Variants in KAT2B observed in about 807,000 individuals in gnomAD.
The protein encoded by KAT2B is lysine acetyltransferase 2B.
Under a neutral mutation model 105.9 loss-of-function variants are expected in KAT2B, and 36 were observed. The ratio of observed to expected loss-of-function variants is 0.34; its 90% CI spans 0.26 to 0.45. The LOEUF (loss-of-function observed/expected upper bound fraction) is 0.45, where lower values mean the gene tolerates loss of function less well. Ranked by LOEUF, KAT2B falls within the 20% of genes least tolerant of loss-of-function variation. The pLI, the probability that KAT2B is intolerant of heterozygous loss-of-function variation, is 1.00. For synonymous variants in KAT2B, 397 were observed against 377.9 expected, an observed-to-expected ratio of 1.05 and a Z score of -0.59; for missense variants, 820 against 1,021.6, an observed-to-expected ratio of 0.80 and a Z score of 2.69.
At chr3:20,127,933 G>A (rs1489075972) in intron 11 of KAT2B, among the ~76,000 whole-genome samples, 1 of 152,174 alleles carries the variant, frequency 6.6e-6, no homozygotes, top group Non-Finnish European at 1.5e-5. Flanking sequence ...CAGAGCTCAG[G>A]CGGTAATGCT....
Position 20,059,621 on chromosome 3 carries a change from C to T in KAT2B, c.304-12712C>T, listed in dbSNP as rs566280688. Among the ~76,000 whole-genome samples the T allele has an allele frequency of 9.2e-5, 14 of 152,048 alleles. No homozygotes were observed. The South Asian group carries it at 2.7e-3, about 29-fold the overall frequency. On this transcript the variant is annotated intron_variant, in intron 1 of 17. Coordinates refer to ENST00000263754, the MANE Select transcript of KAT2B (RefSeq NM_003884.5). ...TTGGGAGGCTGAGGCAGGAGAATGGCGTGAACCTGGGAGGTGGAGCTTGCG... is the reference window on the plus strand; with the variant it reads ...TTGGGAGGCTGAGGCAGGAGAATGGTGTGAACCTGGGAGGTGGAGCTTGCG...
At chr3:20,111,833 G>A (rs1340224345) in intron 6 of KAT2B, 46 bp downstream of exon 6, 13 of 1,486,826 alleles carry the variant, frequency 8.7e-6, no homozygotes, top group Middle Eastern at 1.8e-4. Context: ...CAGAGCTTGA[G>A]GTTGCTAAAT....
chr3:20,130,241 G>A lies in KAT2B; in HGVS notation c.1749+2692G>A, dbSNP rs1392953459. Among the ~76,000 whole-genome samples the A allele has an allele frequency of 2.6e-5, 4 of 152,212 alleles. No individual in the cohort carries two copies. The East Asian group carries it at 7.7e-4, about 29-fold the overall frequency. On this transcript the variant is annotated intron_variant, in intron 11 of 17. Coordinates refer to ENST00000263754, the MANE Select transcript of KAT2B (RefSeq NM_003884.5). Reference sequence around the variant, plus strand: ...TAGCACTAAGCATCAAAGGGCAAATGCAATTCAGCAGTCTTACATTCATCA... The same window carrying A: ...TAGCACTAAGCATCAAAGGGCAAATACAATTCAGCAGTCTTACATTCATCA...
chr3:20,100,742 C>A (rs1032764052), intron 4 of KAT2B, among the ~76,000 whole-genome samples: 1 of 152,036 alleles, frequency 6.6e-6, no homozygotes, highest in African/African-American at 2.4e-5. Context: ...ATTAAATTAA[C>A]AGTTTTTTTA....
chr3:20,079,533 C>G (rs1435116939), intron 2 of KAT2B, among the ~76,000 whole-genome samples: 1 of 152,120 alleles, frequency 6.6e-6, no homozygotes, highest in Non-Finnish European at 1.5e-5. Flanking sequence ...TAAGGAAGGT[C>G]AAGAGTTAGC....
chr3:20,092,757 A>G (rs558161456), intron 2 of KAT2B, among the ~76,000 whole-genome samples: 1 of 151,850 alleles, frequency 6.6e-6, no homozygotes, highest in Non-Finnish European at 1.5e-5. Flanking sequence ...GCTGGAGTGC[A>G]CTGGTGTGAT....
At chr3:20,054,317 C>T (rs192651497) in intron 1 of KAT2B, among the ~76,000 whole-genome samples, 14 of 151,668 alleles carry the variant, frequency 9.2e-5, no homozygotes, top group East Asian at 1.9e-4. Context: ...TTAGTAGAGA[C>T]GGGGTTTTAC....
intron 15 of KAT2B, 66 bp downstream of exon 15, chr3:20,148,065 A>G: frequency 6.5e-7 from 1 of 1,536,456 alleles, no homozygotes; most frequent in Admixed American, 1.7e-5. Context: ...AAGCAACTTA[A>G]AGAAAAACGG....
At chr3:20,149,916 G>A (rs1381753311) in intron 17 of KAT2B, among the ~76,000 whole-genome samples, 4 of 152,190 alleles carry the variant, frequency 2.6e-5, no homozygotes, top group South Asian at 4.1e-4. Context: ...AGCTTCTTTT[G>A]GGAAACCCCC....
chr3:20,042,389 C>T (rs1915919), intron 1 of KAT2B, among the ~76,000 whole-genome samples: 58,039 of 151,942 alleles, frequency 0.38, 11,575 homozygotes, highest in Non-Finnish European at 0.42. Context: ...AACAGGACAC[C>T]GACTGTAGTA....
chr3:20,121,308 A>G (rs1026998850), intron 8 of KAT2B, among the ~76,000 whole-genome samples: 1 of 152,236 alleles, frequency 6.6e-6, no homozygotes. Flanking sequence ...TTATATTGAG[A>G]TAGCAGTGGG....
intron 11 of KAT2B, among the ~76,000 whole-genome samples, chr3:20,132,374 A>G (rs1020930346): frequency 1.6e-4 from 25 of 152,352 alleles, no homozygotes; most frequent in African/African-American, 5.5e-4. Context: ...ACTCCATCTC[A>G]AAAGAAAAAA....
intron 13 of KAT2B, among the ~76,000 whole-genome samples, chr3:20,145,368 G>A (rs1235715978): frequency 6.6e-6 from 1 of 152,018 alleles, no homozygotes; most frequent in Non-Finnish European, 1.5e-5. Context: ...ATTTTATGAA[G>A]TTATTTGTTT....
chr3:20,054,287 C>T (rs2948082), intron 1 of KAT2B, among the ~76,000 whole-genome samples: 60,824 of 151,692 alleles, frequency 0.4, 12,377 homozygotes, highest in East Asian at 0.59. Flanking sequence ...TGCCACCATA[C>T]GCAGCTAATT....
chr3:20,065,325 C>G (rs1032197881), intron 1 of KAT2B, among the ~76,000 whole-genome samples: 2 of 152,164 alleles, frequency 1.3e-5, no homozygotes, highest in Admixed American at 6.5e-5. Flanking sequence ...TGTCCTTCAG[C>G]TGGTACTTCA....
At chr3:20,141,040 T>A (rs1699687290) in intron 13 of KAT2B, among the ~76,000 whole-genome samples, 1 of 152,182 alleles carries the variant, frequency 6.6e-6, no homozygotes, top group Non-Finnish European at 1.5e-5. Flanking sequence ...CTCCAAAGTG[T>A]CTTTGTCCAT....
At chr3:20,072,808 T>G (rs140914544) in intron 2 of KAT2B, among the ~76,000 whole-genome samples, 377 of 152,322 alleles carry the variant, frequency 2.5e-3, no homozygotes, top group Non-Finnish European at 4.1e-3. Context: ...ACCTCAGGGT[T>G]GAAACCTCAA....
intron 1 of KAT2B, among the ~76,000 whole-genome samples, chr3:20,045,839 G>A (rs1221109891): frequency 6.6e-6 from 1 of 152,190 alleles, no homozygotes; most frequent in Non-Finnish European, 1.5e-5. Flanking sequence ...CCGCCTCATG[G>A]CATAACAGTG....
chr3:20,115,326 C>T (rs1386482125), intron 7 of KAT2B, among the ~76,000 whole-genome samples: 1 of 152,156 alleles, frequency 6.6e-6, no homozygotes, highest in African/African-American at 2.4e-5. Flanking sequence ...CTTAAATCAG[C>T]CAGTGGCATC....
Sources: allele counts gnomAD v4.1 joint callset (sites outside exome capture counted in the v4.1 genomes callset), GRCh38; gene constraint gnomAD v4.1.1; transcripts MANE v1.5; gene names NCBI Gene and HGNC (gene_info 2026-07-23, HGNC 2026-07-21).